CDK14: variants seen among roughly 807,000 people sequenced by gnomAD.
The protein encoded by CDK14 is cyclin dependent kinase 14.
CDK14 carries 34 observed loss-of-function variants against 60.7 expected under a neutral mutation model. That is an observed-to-expected ratio of 0.56 (90% CI 0.43 to 0.75). CDK14 has a LOEUF of 0.75. CDK14 is among the 30% of genes least tolerant of loss of function. CDK14 has a pLI of 0.00. For synonymous variants in CDK14, 197 were observed against 203.7 expected (o/e 0.97, Z 0.28); for missense variants, 482 against 564.1 (o/e 0.85, Z 1.47).
intron 8 of CDK14, among the ~76,000 whole-genome samples, chr7:90,921,778 A>G (rs1487068170): frequency 6.6e-6 from 1 of 152,206 alleles, no homozygotes; most frequent in Non-Finnish European, 1.5e-5. Context: ...TGTGGTTATA[A>G]TAGAATAAAA....
At chr7:90,771,069 G>T (rs993324546) in intron 4 of CDK14, among the ~76,000 whole-genome samples, 1 of 152,144 alleles carries the variant, frequency 6.6e-6, no homozygotes, top group Non-Finnish European at 1.5e-5. Context: ...TAGCCTTGAT[G>T]TCTCCTGTTA....
At position 91,119,896 on chromosome 7, in the gene CDK14, C is replaced by T. The variant is rs141984311; in HGVS notation, c.*28+1688C>T. Among the ~76,000 whole-genome samples, 405 of 152,280 alleles carry T rather than the reference C, an allele frequency of 2.7e-3. 2 individuals carry two copies. The highest frequency in any genetic ancestry group is 9.1e-3 in the African/African-American group (377 of 41,564). The stretch of plus-strand genomic sequence containing the variant: ...CCTGTTGAATAAAAAGCACAACTCT[C>T]GGTTGCATTTGTACTCCCACTCTGA... On this transcript the variant is annotated intron_variant, in intron 14 of 14. Transcript: ENST00000380050.
chr7:90,932,022 C>G (rs561383104), intron 8 of CDK14, among the ~76,000 whole-genome samples: 3 of 152,054 alleles, frequency 2.0e-5, no homozygotes, highest in Non-Finnish European at 4.4e-5. Flanking sequence ...AAACTTTTCA[C>G]AAAATATAGT....
intron 10 of CDK14, among the ~76,000 whole-genome samples, chr7:91,008,156 A>AAAC (rs1796045050): frequency 1.3e-5 from 2 of 151,320 alleles, no homozygotes; most frequent in Non-Finnish European, 3.0e-5. Flanking sequence ...CAAACAAAAA[A>AAAC]AAACAGTGGA....
intron 2 of CDK14, among the ~76,000 whole-genome samples, chr7:90,637,873 G>A (rs933080441): frequency 4.0e-5 from 6 of 149,706 alleles, no homozygotes; most frequent in Non-Finnish European, 3.0e-5. Context: ...GAATTGATCC[G>A]TTTACCATTA....
At chr7:90,660,596 A>G (rs1442970207) in intron 2 of CDK14, among the ~76,000 whole-genome samples, 4 of 152,228 alleles carry the variant, frequency 2.6e-5, no homozygotes, top group African/African-American at 9.6e-5. Flanking sequence ...AATGTGACGA[A>G]CTAACAGATA....
intron 10 of CDK14, among the ~76,000 whole-genome samples, chr7:91,019,000 T>C (rs1184310106): frequency 2.6e-5 from 4 of 152,070 alleles, no homozygotes; most frequent in Non-Finnish European, 4.4e-5. Flanking sequence ...ACCATCACAT[T>C]GGGGATTAGG....
chr7:90,628,907 G>A (rs1441379493), intron 2 of CDK14, among the ~76,000 whole-genome samples: 2 of 151,760 alleles, frequency 1.3e-5, no homozygotes, highest in African/African-American at 4.8e-5. Flanking sequence ...TGAGATGAAA[G>A]TTTGCATTTT....
intron 11 of CDK14, among the ~76,000 whole-genome samples, chr7:91,072,655 CA>C (rs958807817): frequency 6.6e-6 from 1 of 152,046 alleles, no homozygotes; most frequent in African/African-American, 2.4e-5. Flanking sequence ...AGCAATGGCG[CA>C]GAACTGGACA....
chr7:90,712,841 CT>C (rs1802114296), intron 2 of CDK14, among the ~76,000 whole-genome samples: 1 of 152,098 alleles, frequency 6.6e-6, no homozygotes, highest in African/African-American at 2.4e-5. Flanking sequence ...CTCTATTTTA[CT>C]TCATAAGCAA....
At chr7:90,817,511 A>C (rs1391264605) in intron 5 of CDK14, among the ~76,000 whole-genome samples, 1 of 152,196 alleles carries the variant, frequency 6.6e-6, no homozygotes, top group Non-Finnish European at 1.5e-5. Flanking sequence ...TAATGATGCT[A>C]ACTTGGTGTA....
intron 10 of CDK14, among the ~76,000 whole-genome samples, chr7:90,988,616 A>AAAAAG (rs1342819764): frequency 1.3e-5 from 2 of 152,186 alleles, no homozygotes; most frequent in African/African-American, 2.4e-5. Context: ...TTCTGAATTG[A>AAAAAG]AAAAGAAGGG....
chr7:91,164,612 A>C (rs1404970682), intron 14 of CDK14, among the ~76,000 whole-genome samples: 1 of 152,222 alleles, frequency 6.6e-6, no homozygotes, highest in African/African-American at 2.4e-5. Flanking sequence ...GCTATGTTGC[A>C]GATGAATAAA....
intron 2 of CDK14, chr7:90,726,131 TCTAGC>T (rs770978733): frequency 2.4e-4 from 37 of 156,130 alleles, no homozygotes; most frequent in Non-Finnish European, 3.9e-4. Flanking sequence ...CCTTTCCTTC[TCTAGC>T]CTAGGTTAGC....
intron 8 of CDK14, among the ~76,000 whole-genome samples, chr7:90,946,611 A>G (rs1479802144): frequency 6.6e-6 from 1 of 152,200 alleles, no homozygotes; most frequent in Admixed American, 6.5e-5. Flanking sequence ...TTGAAGAAAC[A>G]TAAAAACCTC....
intron 8 of CDK14, among the ~76,000 whole-genome samples, chr7:90,918,343 A>C (rs1211954078): frequency 6.6e-6 from 1 of 152,240 alleles, no homozygotes; most frequent in African/African-American, 2.4e-5. Context: ...TTAAAAGTTG[A>C]GGTTCTGGAA....
chr7:90,860,811 C>A (rs1790984951), intron 5 of CDK14, among the ~76,000 whole-genome samples: 1 of 152,116 alleles, frequency 6.6e-6, no homozygotes, highest in Non-Finnish European at 1.5e-5. Context: ...GCATGAGCCA[C>A]CACGCCTGGC....
intron 2 of CDK14, among the ~76,000 whole-genome samples, chr7:90,706,280 C>G (rs1188436455): frequency 2.0e-5 from 3 of 152,168 alleles, no homozygotes; most frequent in Non-Finnish European, 4.4e-5. Context: ...GCTCTCTTTA[C>G]TTCTGCTTTA....
At chr7:91,102,381 C>A (rs1308904742) in intron 12 of CDK14, among the ~76,000 whole-genome samples, 1 of 152,106 alleles carries the variant, frequency 6.6e-6, no homozygotes, top group Non-Finnish European at 1.5e-5. Flanking sequence ...CTTTTTCTTC[C>A]CATTTAAGCT....
Sources: gnomAD v4.1 joint callset for allele counts (sites outside exome capture counted in the v4.1 genomes callset) on GRCh38, gnomAD v4.1.1 for gene constraint, MANE v1.5 for transcripts, NCBI Gene and HGNC (gene_info 2026-07-23, HGNC 2026-07-21) for gene names.